TNFRSF11A: variants seen among roughly 807,000 people sequenced by gnomAD.
TNFRSF11A encodes tumor necrosis factor receptor superfamily member 11A.
A neutral mutation model predicts 55.7 loss-of-function variants in TNFRSF11A; 32 were observed. The observed-to-expected ratio is 0.57, with a 90% CI of 0.43 to 0.77. The LOEUF is 0.77. Ranked by LOEUF, TNFRSF11A falls within the 30% of genes least tolerant of loss-of-function variation. The probability of loss-of-function intolerance (pLI) is 0.00; values close to 1 mark genes in which losing one functional copy is unlikely to be tolerated. For synonymous variants in TNFRSF11A, 311 were observed against 331.0 expected (o/e 0.94, Z 0.65); for missense variants, 753 against 809.8 (o/e 0.93, Z 0.85).
Position 62,385,104 on chromosome 18 carries a change from C to A in TNFRSF11A, c.*70C>A. 2 of 1,368,906 alleles carry A rather than the reference C, an allele frequency of 1.5e-6. No individual in the cohort carries two copies. The highest frequency in any genetic ancestry group is 1.9e-6 in the Non-Finnish European group (2 of 1,066,624). 84.8% of individuals were successfully genotyped at this position (1,368,906 alleles called of 1,614,324 possible). A position where few individuals can be genotyped will look rare whatever the true frequency, so the allele number is the denominator to read the frequency against. On this transcript the variant is annotated 3_prime_UTR_variant, in exon 10 of 10. Transcript: ENST00000586569. ...CGAGGGCAGCACCGCAGCCTCTGCCCCAGCCCCGGCCACCCAGGGATCGAT... is the reference window on the plus strand; with the variant it reads ...CGAGGGCAGCACCGCAGCCTCTGCCACAGCCCCGGCCACCCAGGGATCGAT...
chr18:62,380,836 C>G (rs1455499225), intron 9 of TNFRSF11A, among the ~76,000 whole-genome samples: 2 of 149,816 alleles, frequency 1.3e-5, no homozygotes, highest in African/African-American at 2.5e-5. Context: ...GGGGGTCACT[C>G]TGTCACCCAG....
intron 7 of TNFRSF11A, among the ~76,000 whole-genome samples, chr18:62,363,042 C>G (rs1289997792): frequency 6.6e-6 from 1 of 151,954 alleles, no homozygotes; most frequent in Non-Finnish European, 1.5e-5. Context: ...TGGGGTTTGA[C>G]CATGTTGGCC....
chr18:62,328,275 T>C (rs1190032917), intron 1 of TNFRSF11A, among the ~76,000 whole-genome samples: 1 of 151,948 alleles, frequency 6.6e-6, no homozygotes, highest in Non-Finnish European at 1.5e-5. Flanking sequence ...GACTTCGGGA[T>C]GAAGGGGTTT....
intron 1 of TNFRSF11A, among the ~76,000 whole-genome samples, chr18:62,333,746 C>G (rs2046189732): frequency 1.3e-5 from 2 of 152,132 alleles, no homozygotes; most frequent in Non-Finnish European, 2.9e-5. Context: ...AAGGGACCTC[C>G]CAGAATGGTG....
At chr18:62,363,469 A>G (rs1800884655) in intron 7 of TNFRSF11A, among the ~76,000 whole-genome samples, 1 of 146,746 alleles carries the variant, frequency 6.8e-6, no homozygotes, top group African/African-American at 2.5e-5. Flanking sequence ...CCTGGGTTGC[A>G]GCGATTCTCC....
chr18:62,349,763 T>C, intron 2 of TNFRSF11A, 49 bp from the exon 3 acceptor site: 1 of 1,610,056 alleles, frequency 6.2e-7, no homozygotes, highest in Non-Finnish European at 8.5e-7. Context: ...GTGTTGCTGT[T>C]TTTGTTTGGT....
intron 9 of TNFRSF11A, 57 bp downstream of exon 9, chr18:62,369,541 G>T: frequency 1.3e-6 from 2 of 1,591,664 alleles, no homozygotes; most frequent in East Asian, 4.5e-5. Context: ...TTGGTACAGG[G>T]TTTGGGGGCA....
intron 1 of TNFRSF11A, among the ~76,000 whole-genome samples, chr18:62,346,832 G>T (rs895706091): frequency 1.3e-5 from 2 of 152,072 alleles, no homozygotes; most frequent in Non-Finnish European, 2.9e-5. Flanking sequence ...CCCTCCATCC[G>T]AGCACTTTCA....
chr18:62,361,816 T>C (rs1909712315), intron 7 of TNFRSF11A, 23 bp downstream of exon 7: 8 of 1,581,498 alleles, frequency 5.1e-6, no homozygotes, highest in Non-Finnish European at 7.0e-6. Context: ...TGGTGGTTTT[T>C]GCAAACCAAT....
chr18:62,336,280 GGAATCA>G (rs1219419431), intron 1 of TNFRSF11A: 24 of 152,166 alleles, frequency 1.6e-4, no homozygotes, highest in African/African-American at 5.1e-4. Context: ...CCAGACCCAG[GGAATCA>G]GAACCTGCAT....
chr18:62,369,958 C>CTTAA (rs772005188), intron 9 of TNFRSF11A, among the ~76,000 whole-genome samples: 5 of 152,086 alleles, frequency 3.3e-5, no homozygotes, highest in Non-Finnish European at 7.4e-5. Context: ...TTAGTTAATC[C>CTTAA]TTAATTAATT....
chr18:62,358,479 C>CT, intron 5 of TNFRSF11A, 138 bp downstream of exon 5: 1 of 821,866 alleles, frequency 1.2e-6, no homozygotes. Context: ...TGGAAAAAGT[C>CT]TGTCAATTCA....
chr18:62,347,922 C>CA lies in TNFRSF11A; in HGVS notation c.76-237dup, dbSNP rs1288520872. On this transcript the variant is annotated intron_variant, in intron 1 of 9. Coordinates refer to ENST00000586569, the MANE Select transcript of TNFRSF11A (RefSeq NM_003839.4). ...CTGTCTAAAAAAAAAAACAAAAAAA[C>CA]AAAAAAAAACCCTGTAATCCCAGCT... is the stretch of plus-strand genomic sequence containing the variant. 1.8e-3 allele frequency among the ~76,000 whole-genome samples: 263 copies of CA among 143,272 alleles called. 1 individual carries two copies. Among genetic ancestry groups the CA allele is most frequent in the Middle Eastern group, 3.5e-3 (1 of 282 alleles). The allele number at this position is 143,272 out of a possible 152,430, so 94.0% of individuals were successfully genotyped here.
At chr18:62,373,615 A>G (rs555224459) in intron 9 of TNFRSF11A, among the ~76,000 whole-genome samples, 66 of 152,024 alleles carry the variant, frequency 4.3e-4, no homozygotes, top group African/African-American at 1.6e-3. Context: ...CCCCCAAGTC[A>G]CTCTCAGCCT....
At chr18:62,344,714 C>T (rs1390680968) in intron 1 of TNFRSF11A, among the ~76,000 whole-genome samples, 1 of 152,228 alleles carries the variant, frequency 6.6e-6, no homozygotes, top group Non-Finnish European at 1.5e-5. Flanking sequence ...TCTTCAGGCT[C>T]TTGCCAGCTG....
At chr18:62,384,370 C>CTGT (rs1911516437) in intron 9 of TNFRSF11A, among the ~76,000 whole-genome samples, 1 of 141,976 alleles carries the variant, frequency 7.0e-6, no homozygotes, top group Non-Finnish European at 1.6e-5. Context: ...TCCTCCTCTC[C>CTGT]TCCTCCTCTT....
At chr18:62,348,018 C>T (rs1010427833) in intron 1 of TNFRSF11A, 150 bp from the exon 2 acceptor site, 18 of 677,350 alleles carry the variant, frequency 2.7e-5, no homozygotes, top group Middle Eastern at 8.0e-4. Flanking sequence ...GAGATCACGC[C>T]ATTGCACTCC....
chr18:62,360,437 T>C (rs1188590808), intron 6 of TNFRSF11A, among the ~76,000 whole-genome samples: 2 of 144,776 alleles, frequency 1.4e-5, no homozygotes, highest in Non-Finnish European at 3.0e-5. Flanking sequence ...TAGATTAGAT[T>C]AAATTAATCT....
intron 1 of TNFRSF11A, among the ~76,000 whole-genome samples, chr18:62,342,427 C>CAAAAAAAAAAAAAAAAAAA (rs2046327430): frequency 2.4e-5 from 2 of 82,602 alleles, no homozygotes; most frequent in Admixed American, 1.2e-4. Flanking sequence ...AAAAAAAAAT[C>CAAAAAAAAAAAAAAAAAAA]CTATATTCTG....
Sources: gnomAD v4.1 joint callset for allele counts (sites outside exome capture counted in the v4.1 genomes callset) on GRCh38, gnomAD v4.1.1 for gene constraint, MANE v1.5 for transcripts, NCBI Gene and HGNC (gene_info 2026-07-23, HGNC 2026-07-21) for gene names.